Variants in ELMO1 observed in about 807,000 individuals in gnomAD.
The protein encoded by ELMO1 is engulfment and cell motility protein 1.
A neutral mutation model predicts 98.9 loss-of-function variants in ELMO1; 26 were observed. The observed-to-expected ratio is 0.26, with a 90% CI of 0.19 to 0.36. The LOEUF (loss-of-function observed/expected upper bound fraction) is 0.36. Among genes scored for constraint, ELMO1 ranks in the 10% least tolerant of loss-of-function variants. The probability of loss-of-function intolerance (pLI) is 1.00; values close to 1 mark genes in which losing one functional copy is unlikely to be tolerated. For synonymous variants in ELMO1, 346 were observed against 346.0 expected, an observed-to-expected ratio of 1.00 and a Z score of 0.00; for missense variants, 627 against 935.2, an observed-to-expected ratio of 0.67 and a Z score of 4.30.
chr7:37,205,706 G>A (rs1484683527), intron 13 of ELMO1, among the ~76,000 whole-genome samples: 5 of 152,084 alleles, frequency 3.3e-5, no homozygotes, highest in Admixed American at 6.6e-5. Context: ...TGTCTTGTTC[G>A]ACTTCAGCTG....
intron 2 of ELMO1, among the ~76,000 whole-genome samples, chr7:37,327,568 CA>C (rs1179525976): frequency 3.9e-5 from 6 of 152,018 alleles, no homozygotes; most frequent in African/African-American, 1.4e-4. Flanking sequence ...AACAAGTGAC[CA>C]AAAAAGTATG....
intron 20 of ELMO1, among the ~76,000 whole-genome samples, chr7:36,863,221 A>C (rs1397687193): frequency 6.6e-6 from 1 of 152,194 alleles, no homozygotes; most frequent in Admixed American, 6.5e-5. Context: ...ATTCTGCAAA[A>C]ATGCTCTCCT....
At chr7:37,295,187 C>A (rs2130987031) in intron 4 of ELMO1, among the ~76,000 whole-genome samples, 1 of 152,180 alleles carries the variant, frequency 6.6e-6, no homozygotes, top group East Asian at 1.9e-4. Flanking sequence ...CAATTTCAGG[C>A]TACTACTTAC....
intron 16 of ELMO1, among the ~76,000 whole-genome samples, chr7:36,903,357 T>C (rs999891780): frequency 3.3e-5 from 5 of 152,202 alleles, no homozygotes; most frequent in African/African-American, 1.2e-4. Context: ...AGTCCCATCA[T>C]AGCACTGACT....
intron 15 of ELMO1, among the ~76,000 whole-genome samples, chr7:37,037,859 G>A (rs1317686496): frequency 6.6e-6 from 1 of 152,124 alleles, no homozygotes; most frequent in African/African-American, 2.4e-5. Context: ...CTGGGCAGCT[G>A]ACACCCTTAA....
intron 18 of ELMO1, among the ~76,000 whole-genome samples, chr7:36,884,080 G>C (rs1430244943): frequency 6.6e-6 from 1 of 152,108 alleles, no homozygotes; most frequent in Non-Finnish European, 1.5e-5. Flanking sequence ...CCAGCACTTT[G>C]GGAGGCAAGG....
chr7:37,335,328 T>C (rs981495752), intron 2 of ELMO1, among the ~76,000 whole-genome samples: 1 of 151,580 alleles, frequency 6.6e-6, no homozygotes, highest in Admixed American at 6.6e-5. Context: ...TGGCATACTT[T>C]TAGAAGGAAA....
chr7:37,199,807 G>A (rs1792180868), intron 13 of ELMO1, among the ~76,000 whole-genome samples: 1 of 152,180 alleles, frequency 6.6e-6, no homozygotes. Flanking sequence ...GTGGATCACA[G>A]AAGAAAGATC....
At chr7:37,029,450 C>A (rs1454017127) in intron 15 of ELMO1, among the ~76,000 whole-genome samples, 1 of 151,454 alleles carries the variant, frequency 6.6e-6, no homozygotes, top group African/African-American at 2.4e-5. Context: ...TATGTAAGTA[C>A]TGGATTTCTT....
Position 36,988,018 on chromosome 7 carries a change from AAAGTGCTGGGATTAC to A in ELMO1, c.1437+25266_1437+25280del, listed in dbSNP as rs553660685. On this transcript the variant is annotated intron_variant, in intron 16 of 21. Transcript: ENST00000310758. Reference sequence around the variant, plus strand: ...GGTGATCCATCCACCTTGGCCTCCCAAAGTGCTGGGATTACAGGCGGGAGCCACGACGCCTGGCCG... The same window carrying A: ...GGTGATCCATCCACCTTGGCCTCCCAAGGCGGGAGCCACGACGCCTGGCCG... Among the ~76,000 whole-genome samples, 367 of 152,334 alleles carry A rather than the reference AAAGTGCTGGGATTAC, an allele frequency of 2.4e-3. 1 individual carries two copies. The highest frequency in any genetic ancestry group is 8.3e-3 in the African/African-American group (346 of 41,576).
chr7:37,018,764 A>G (rs1053069312), intron 15 of ELMO1, among the ~76,000 whole-genome samples: 3 of 152,206 alleles, frequency 2.0e-5, no homozygotes, highest in Non-Finnish European at 2.9e-5. Context: ...GGCATAAGCC[A>G]TCAGGCACAG....
At chr7:37,051,534 C>T (rs2129204732) in intron 15 of ELMO1, among the ~76,000 whole-genome samples, 1 of 151,794 alleles carries the variant, frequency 6.6e-6, no homozygotes, top group South Asian at 2.1e-4. Flanking sequence ...GTTTCACTTG[C>T]TATGTTTCCT....
chr7:37,120,780 G>T (rs1785960079), intron 14 of ELMO1, among the ~76,000 whole-genome samples: 1 of 152,146 alleles, frequency 6.6e-6, no homozygotes, highest in Admixed American at 6.5e-5. Flanking sequence ...GAGAGTAGTG[G>T]TTCTCCCAGC....
At chr7:36,931,124 G>C (rs1242365069) in intron 16 of ELMO1, among the ~76,000 whole-genome samples, 1 of 152,198 alleles carries the variant, frequency 6.6e-6, no homozygotes, top group African/African-American at 2.4e-5. Context: ...AGAATGAAAA[G>C]GATGGATACA....
chr7:36,960,081 T>G (rs982387897), intron 16 of ELMO1, among the ~76,000 whole-genome samples: 11 of 152,216 alleles, frequency 7.2e-5, no homozygotes, highest in Non-Finnish European at 1.5e-4. Flanking sequence ...AACCATTTAC[T>G]TTTCCTCTAA....
chr7:36,995,810 G>A (rs1792171504), intron 16 of ELMO1, among the ~76,000 whole-genome samples: 1 of 152,136 alleles, frequency 6.6e-6, no homozygotes, highest in African/African-American at 2.4e-5. Flanking sequence ...GAATGACTAT[G>A]ATTCTAAATG....
chr7:36,931,278 T>C (rs1786016823), intron 16 of ELMO1, among the ~76,000 whole-genome samples: 1 of 152,232 alleles, frequency 6.6e-6, no homozygotes, highest in Non-Finnish European at 1.5e-5. Flanking sequence ...TGTAAGAACT[T>C]GTGGCCTTAA....
At position 37,225,011 on chromosome 7, in the gene ELMO1, T is replaced by C. The variant is rs1793787406; in HGVS notation, c.569A>G (p.Lys190Arg). 2 of 1,613,966 alleles carry C rather than the reference T, an allele frequency of 1.2e-6. No homozygotes were observed. Among genetic ancestry groups the C allele is most frequent in the South Asian group, 2.2e-5 (2 of 91,080 alleles). ...FIKKIASFVN[K>R]SAIDISILQR... ...CAGGATCGAGATGTCTATGGCTGAC[T>C]TGTTCACAAAACTTGCTATCTGAAA... Residue 190 changes from lysine to arginine, a missense_variant, in exon 9 of 22, where the codon AAG (lysine) becomes AGG (arginine). This residue lies in a region of ELMO1 where 492 missense variants were observed against 715.6 expected (regional missense o/e 0.69). Coordinates refer to ENST00000310758, the MANE Select transcript of ELMO1 (RefSeq NM_014800.11).
intron 14 of ELMO1, among the ~76,000 whole-genome samples, chr7:37,107,868 T>C (rs755810817): frequency 7.2e-5 from 11 of 152,200 alleles, no homozygotes; most frequent in Non-Finnish European, 1.6e-4. Flanking sequence ...CTCACCTCAC[T>C]TTCTCACTTA....
Sources: gnomAD v4.1 joint callset for allele counts (sites outside exome capture counted in the v4.1 genomes callset) on GRCh38, gnomAD v4.1.1 for gene constraint, gnomAD v4.1.1 regional missense constraint, MANE v1.5 for transcripts, NCBI Gene and HGNC (gene_info 2026-07-23, HGNC 2026-07-21) for gene names.